Variants in SRP19 observed in about 807,000 individuals in gnomAD.
SRP19 encodes the protein signal recognition particle 19 kDa protein.
Under a neutral mutation model 22.4 loss-of-function variants are expected in SRP19, and 11 were observed. The ratio of observed to expected loss-of-function variants is 0.49; its 90% CI spans 0.31 to 0.81. The LOEUF is 0.81. Ranked by LOEUF, SRP19 falls within the 40% of genes least tolerant of loss-of-function variation. The probability of loss-of-function intolerance (pLI) is 0.05; values close to 1 mark genes in which losing one functional copy is unlikely to be tolerated. For synonymous variants in SRP19, 61 were observed against 57.6 expected (o/e 1.06, Z -0.27); for missense variants, 168 against 175.9 (o/e 0.96, Z 0.25).
At chr5:112,861,456 C>T in intron 1 of SRP19, 39 bp downstream of exon 1, 1 of 1,605,776 alleles carries the variant, frequency 6.2e-7, no homozygotes, top group Non-Finnish European at 8.5e-7. Context: ...AAGGAAGGGG[C>T]TTGCTGTGGT....
chr5:112,895,501 T>C (rs1768654861), downstream of SRP19: 1 of 151,834 alleles, frequency 6.6e-6, no homozygotes, highest in Non-Finnish European at 1.5e-5. Flanking sequence ...ATGAATTAAG[T>C]GTCCACAGTT....
At chr5:112,862,220 AAT>A (rs1767426462) in intron 1 of SRP19, 1 of 430,032 alleles carries the variant, frequency 2.3e-6, no homozygotes, top group Admixed American at 4.1e-5. Context: ...CTAGGGTTTA[AAT>A]ACCCTCTAGA....
chr5:112,884,364 G>A (rs1768167151), intron 4 of SRP19, among the ~76,000 whole-genome samples: 1 of 151,612 alleles, frequency 6.6e-6, no homozygotes, highest in African/African-American at 2.4e-5. Flanking sequence ...GATTCCCCAT[G>A]GTTCCTTCTT....
At chr5:112,879,497 G>A (rs982760324) in intron 4 of SRP19, among the ~76,000 whole-genome samples, 8 of 151,976 alleles carry the variant, frequency 5.3e-5, no homozygotes, top group East Asian at 3.9e-4. Context: ...TTTTTGAGAC[G>A]GAGTCTCGCT....
chr5:112,861,326 T>G lies in SRP19; in HGVS notation c.-51T>G, dbSNP rs1353221669. 3 of 1,611,100 alleles carry G rather than the reference T, an allele frequency of 1.9e-6. No individual in the cohort carries two copies. The highest frequency in any genetic ancestry group is 1.3e-5 in the African/African-American group (1 of 74,810). On this transcript the variant is annotated 5_prime_UTR_variant, in exon 1 of 5. Coordinates refer to ENST00000505459, the MANE Select transcript of SRP19 (RefSeq NM_003135.3). ...ACTCAGAGCCGGGTTCCTCCCGGGTTTCTGCCGGGTTTCTCCCTGCGGCTC... is the reference window on the plus strand; with the variant it reads ...ACTCAGAGCCGGGTTCCTCCCGGGTGTCTGCCGGGTTTCTCCCTGCGGCTC...
rs61741889 is a variant in SRP19, at chr5:112,892,300, A to T, written c.*693A>T. ...AACGTTTGGAATGGAGCAGTGCAGG[A>T]GGGATGACTATGACCCTGACGCAAG... On this transcript the variant is annotated 3_prime_UTR_variant, in exon 5 of 5. Transcript: ENST00000391338. The T allele has an allele frequency of 6.1e-3, 9,914 of 1,614,072 alleles. 513 individuals are homozygous for T. In the African/African-American group the frequency reaches 0.12, roughly 19 times the overall value.
downstream of SRP19, among the ~76,000 whole-genome samples, chr5:112,871,907 T>C (rs1489810267): frequency 1.3e-5 from 2 of 152,224 alleles, no homozygotes; most frequent in Non-Finnish European, 1.5e-5. Flanking sequence ...TGAGTATTTA[T>C]GTAGATGTTG....
exon 5 of SRP19, chr5:112,892,796 G>A: frequency 1.2e-6 from 2 of 1,614,000 alleles, no homozygotes; most frequent in South Asian, 1.1e-5. Flanking sequence ...CGGGGAAGGA[G>A]AAACCCTAGT....
chr5:112,877,535 A>T (rs1415485273), intron 4 of SRP19: 1 of 152,198 alleles, frequency 6.6e-6, no homozygotes, highest in Non-Finnish European at 1.5e-5. Flanking sequence ...ATCAACACAA[A>T]GAATACGGAT....
At chr5:112,867,278 T>G in intron 4 of SRP19, 126 bp from the exon 5 acceptor site, 1 of 1,183,650 alleles carries the variant, frequency 8.4e-7, no homozygotes, top group South Asian at 2.0e-5. Context: ...TGATTTTTGA[T>G]TTTTTAAAAA....
exon 5 of SRP19, chr5:112,891,845 T>G (rs1374430501): frequency 1.3e-6 from 2 of 1,548,800 alleles, no homozygotes; most frequent in African/African-American, 2.7e-5. Flanking sequence ...GAGAAGCTAT[T>G]GGAAAGAGAG....
At chr5:112,891,477 A>T (rs1486582881) in intron 4 of SRP19, 9 of 962,276 alleles carry the variant, frequency 9.4e-6, no homozygotes, top group Non-Finnish European at 1.3e-5. Context: ...AAGGAGAAAC[A>T]AAATGAAAGT....
At chr5:112,886,444 C>T (rs1350966785) in intron 4 of SRP19, among the ~76,000 whole-genome samples, 6 of 152,164 alleles carry the variant, frequency 3.9e-5, no homozygotes, top group South Asian at 2.1e-4. Flanking sequence ...TTTCTCCTCC[C>T]GCTTTTTGGC....
Position 112,868,029 on chromosome 5 carries a change from G to A in SRP19, c.*492G>A, listed in dbSNP as rs1223987442. The A allele has an allele frequency of 5.3e-5, 52 of 985,860 alleles. No individual in the cohort carries two copies. The highest frequency in any genetic ancestry group is 1.2e-4 in the Admixed American group (2 of 16,314). 61.1% of individuals were successfully genotyped at this position (985,860 alleles called of 1,614,324 possible). ...AGAAGAAACTGTGGTAGGTCCTTTT[G>A]TGGGTGGGGGACAGGGGAGTCTGTA... On this transcript the variant is annotated 3_prime_UTR_variant, in exon 5 of 5. Transcript: ENST00000505459.
intron 4 of SRP19, among the ~76,000 whole-genome samples, chr5:112,865,672 C>A (rs1304851322): frequency 6.6e-6 from 1 of 151,796 alleles, no homozygotes; most frequent in African/African-American, 2.4e-5. Flanking sequence ...CAGCTCACTG[C>A]AACCTCCGAC....
chr5:112,861,897 C>T (rs1418247013), intron 1 of SRP19, among the ~76,000 whole-genome samples: 1 of 151,932 alleles, frequency 6.6e-6, no homozygotes, highest in Non-Finnish European at 1.5e-5. Context: ...GGTTTTTTTC[C>T]ATCCAAGGTA....
intron 2 of SRP19, among the ~76,000 whole-genome samples, chr5:112,863,825 C>G (rs1209580417): frequency 6.6e-6 from 1 of 152,176 alleles, no homozygotes; most frequent in African/African-American, 2.4e-5. Context: ...CCACCATGTC[C>G]GGCTACTTTG....
At chr5:112,880,083 T>C (rs1403638176) in intron 4 of SRP19, among the ~76,000 whole-genome samples, 1 of 152,102 alleles carries the variant, frequency 6.6e-6, no homozygotes, top group Non-Finnish European at 1.5e-5. Flanking sequence ...TTGCTCTAAG[T>C]CTTTGAGTTG....
At chr5:112,882,141 T>A in intron 4 of SRP19, 1 of 153,568 alleles carries the variant, frequency 6.5e-6, no homozygotes. Context: ...TCTAATATCC[T>A]GACCTCTTAG....
Sources: allele counts gnomAD v4.1 joint callset (sites outside exome capture counted in the v4.1 genomes callset), GRCh38; gene constraint gnomAD v4.1.1; transcripts MANE v1.5; gene names NCBI Gene and HGNC (gene_info 2026-07-23, HGNC 2026-07-21).